The following GRM8 variants were observed in gnomAD, a reference collection of about 807,000 sequenced individuals.
GRM8 encodes glutamate metabotropic receptor 8.
A neutral mutation model predicts 87.2 loss-of-function variants in GRM8; 47 were observed. The ratio of observed to expected loss-of-function variants is 0.54; its 90% CI spans 0.43 to 0.69. The LOEUF (loss-of-function observed/expected upper bound fraction) is 0.69. Ranked by LOEUF, GRM8 falls within the 30% of genes least tolerant of loss-of-function variation. The pLI is 0.00. For synonymous variants in GRM8, 396 were observed against 404.5 expected, an observed-to-expected ratio of 0.98 and a Z score of 0.25; for missense variants, 1,019 against 1,139.2, an observed-to-expected ratio of 0.89 and a Z score of 1.52.
At chr7:126,886,120 C>T (rs1289928441) in intron 6 of GRM8, among the ~76,000 whole-genome samples, 1 of 152,042 alleles carries the variant, frequency 6.6e-6, no homozygotes, top group African/African-American at 2.4e-5. Context: ...AAAAACAAAG[C>T]AGGTGTTAAA....
At chr7:127,150,530 T>G (rs934168873) in intron 2 of GRM8, among the ~76,000 whole-genome samples, 2 of 152,114 alleles carry the variant, frequency 1.3e-5, no homozygotes, top group African/African-American at 4.8e-5. Flanking sequence ...GTGTTGGTGG[T>G]GCCCAGTGCT....
intron 6 of GRM8, among the ~76,000 whole-genome samples, chr7:126,837,871 T>C (rs1309758952): frequency 6.6e-6 from 1 of 152,184 alleles, no homozygotes; most frequent in Non-Finnish European, 1.5e-5. Flanking sequence ...CTATTGAGCA[T>C]CCAGTTCATT....
chr7:126,504,756 A>G (rs1316830792), intron 9 of GRM8, among the ~76,000 whole-genome samples: 1 of 152,084 alleles, frequency 6.6e-6, no homozygotes, highest in African/African-American at 2.4e-5. Flanking sequence ...TGAATATATG[A>G]CATTAATTGA....
chr7:126,850,717 C>T (rs904499043), intron 6 of GRM8, among the ~76,000 whole-genome samples: 9 of 152,116 alleles, frequency 5.9e-5, no homozygotes, highest in South Asian at 4.2e-4. Context: ...AGTTAATAAT[C>T]GAAATAGGAA....
chr7:126,720,742 T>C (rs1195369576), intron 7 of GRM8, among the ~76,000 whole-genome samples: 5 of 152,092 alleles, frequency 3.3e-5, no homozygotes, highest in Non-Finnish European at 7.4e-5. Context: ...GAATTTTATA[T>C]ATTAATACTT....
intron 2 of GRM8, among the ~76,000 whole-genome samples, chr7:127,142,273 C>T (rs1472947043): frequency 6.6e-6 from 1 of 152,048 alleles, no homozygotes; most frequent in Non-Finnish European, 1.5e-5. Context: ...CCACCATACC[C>T]AGCTTATACT....
intron 2 of GRM8, among the ~76,000 whole-genome samples, chr7:127,155,042 C>T (rs1172380562): frequency 6.6e-6 from 1 of 152,146 alleles, no homozygotes; most frequent in African/African-American, 2.4e-5. Flanking sequence ...CCACTTTACA[C>T]AGCAGGTGGC....
chr7:126,774,112 TG>T (rs1819160346), intron 6 of GRM8, among the ~76,000 whole-genome samples: 1 of 152,120 alleles, frequency 6.6e-6, no homozygotes, highest in Admixed American at 6.6e-5. Context: ...CATAAGCATA[TG>T]GTGACAAACT....
chr7:127,018,663 A>T (rs1815951394), intron 3 of GRM8, among the ~76,000 whole-genome samples: 3 of 151,988 alleles, frequency 2.0e-5, no homozygotes, highest in Admixed American at 6.6e-5. Context: ...CTCAGACCAA[A>T]AAGTCATATG....
intron 9 of GRM8, among the ~76,000 whole-genome samples, chr7:126,513,040 C>T (rs759324063): frequency 6.6e-6 from 1 of 152,042 alleles, no homozygotes; most frequent in Non-Finnish European, 1.5e-5. Context: ...CTATAAAAAG[C>T]CTAGAGTTTT....
At chr7:126,645,298 C>G (rs1159517553) in intron 7 of GRM8, among the ~76,000 whole-genome samples, 3 of 152,190 alleles carry the variant, frequency 2.0e-5, no homozygotes, top group Non-Finnish European at 4.4e-5. Flanking sequence ...TAGATAACAT[C>G]ATTATTGTAG....
At chr7:126,869,933 T>TTA (rs1292608202) in intron 6 of GRM8, 1 of 77,256 alleles carries the variant, frequency 1.3e-5, no homozygotes, top group Non-Finnish European at 2.6e-5. Context: ...CCTCATAGAT[T>TTA]AAAAAAAAAA....
At chr7:126,927,776 A>T (rs1193817216) in intron 3 of GRM8, among the ~76,000 whole-genome samples, 1 of 152,220 alleles carries the variant, frequency 6.6e-6, no homozygotes, top group Non-Finnish European at 1.5e-5. Flanking sequence ...GTGGGACTGT[A>T]AACTAGTTCA....
intron 2 of GRM8, among the ~76,000 whole-genome samples, chr7:127,209,179 A>AC (rs2116617976): frequency 6.6e-6 from 1 of 152,264 alleles, no homozygotes; most frequent in East Asian, 1.9e-4. Flanking sequence ...AAGACACTAC[A>AC]CCTTTAGTTT....
At position 127,119,393 on chromosome 7, in the gene GRM8, T is replaced by C. The variant is rs377252973; in HGVS notation, c.511-12681A>G. The stretch of plus-strand genomic sequence containing the variant: ...CCTAGCTACTCAAGAGGCTGAGGTA[T>C]GAGAATCACTTGAACCCGGGAGACA... On this transcript the variant is annotated intron_variant, in intron 2 of 10. Transcript: ENST00000339582. 3.9e-5 allele frequency among the ~76,000 whole-genome samples: 6 copies of C among 152,036 alleles called. No individual in the cohort carries two copies. The East Asian group carries it at 9.7e-4, about 25-fold the overall frequency.
chr7:126,507,608 T>A (rs550724231), intron 9 of GRM8, among the ~76,000 whole-genome samples: 63 of 152,224 alleles, frequency 4.1e-4, no homozygotes, highest in African/African-American at 1.5e-3. Context: ...TTACTGGTAC[T>A]TTTTTCTGTC....
At chr7:126,561,309 A>G (rs1793668024) in intron 8 of GRM8, among the ~76,000 whole-genome samples, 1 of 152,058 alleles carries the variant, frequency 6.6e-6, no homozygotes, top group Non-Finnish European at 1.5e-5. Context: ...CATCTCCACT[A>G]AAAATATAAA....
At chr7:126,508,468 C>T (rs1321877191) in intron 9 of GRM8, among the ~76,000 whole-genome samples, 2 of 151,990 alleles carry the variant, frequency 1.3e-5, no homozygotes, top group Non-Finnish European at 2.9e-5. Context: ...ACCTAAACAC[C>T]TCCCATGAGG....
At chr7:127,165,791 T>G (rs532622869) in intron 2 of GRM8, among the ~76,000 whole-genome samples, 5 of 152,284 alleles carry the variant, frequency 3.3e-5, no homozygotes, top group Middle Eastern at 6.8e-3. Flanking sequence ...TTCCACCTCT[T>G]TACTCCCTCT....
Sources: allele counts gnomAD v4.1 joint callset (sites outside exome capture counted in the v4.1 genomes callset), GRCh38; gene constraint gnomAD v4.1.1; transcripts MANE v1.5; gene names NCBI Gene and HGNC (gene_info 2026-07-23, HGNC 2026-07-21).